Variants in ANKRD11 observed in about 807,000 individuals in gnomAD.
ANKRD11 encodes ankyrin repeat domain 11.
ANKRD11 carries 17 observed loss-of-function variants against 195.7 expected under a neutral mutation model. The ratio of observed to expected loss-of-function variants is 0.09; its 90% CI spans 0.06 to 0.13. ANKRD11 has a LOEUF of 0.13. ANKRD11 is among the 10% of genes least tolerant of loss of function. The pLI is 1.00. For missense variants in ANKRD11, 3,735 were observed against 3,566.1 expected (o/e 1.05, Z -1.21); for synonymous variants, 1,953 against 1,528.1 (o/e 1.28, Z -6.49).
chr16:89,304,087 T>C (rs557994524), intron 4 of ANKRD11, among the ~76,000 whole-genome samples: 1 of 152,186 alleles, frequency 6.6e-6, no homozygotes, highest in Non-Finnish European at 1.5e-5. Context: ...GTAGAGAAGC[T>C]GGATGACCAG....
Position 89,305,270 on chromosome 16 carries a change from T to C in ANKRD11, c.162A>G (p.Arg54=). The change falls in exon 4 of 13, where the codon CGA becomes CGG. Residue 54 remains arginine (R), a synonymous_variant. Transcript: ENST00000301030. ...TGAAGGGCAGCTTCCGCTTGCTGGC[T>C]CGCTCCCTCACCTCCTTCCCGCCAT... ...RGDGGKEVRE[R]ASKRKLPFTA... 6.2e-7 allele frequency: 1 copy of C among 1,613,948 alleles called. No individual in the cohort carries two copies. Among genetic ancestry groups the C allele is most frequent in the African/African-American group, 1.3e-5 (1 of 75,040 alleles).
chr16:89,446,582 T>C lies in ANKRD11; in HGVS notation c.-144-28214A>G, dbSNP rs563623107. Among the ~76,000 whole-genome samples the C allele has an allele frequency of 1.3e-4, 20 of 152,072 alleles. 1 individual carries two copies. The highest frequency in any genetic ancestry group is 4.6e-4 in the African/African-American group (19 of 41,468). ...TCATGCCACTGCACTCCAGCCTGGG[T>C]GACAGAGCGAGCCCCCGTCTCAAAC... On this transcript the variant is annotated intron_variant, in intron 1 of 12. Transcript: ENST00000301030.
chr16:89,358,438 T>C (rs1459047521), intron 2 of ANKRD11, among the ~76,000 whole-genome samples: 1 of 152,240 alleles, frequency 6.6e-6, no homozygotes, highest in African/African-American at 2.4e-5. Flanking sequence ...TGGTACTCAA[T>C]TTCCAGGTTG....
At chr16:89,343,150 G>A (rs2038771506) in intron 2 of ANKRD11, among the ~76,000 whole-genome samples, 1 of 152,146 alleles carries the variant, frequency 6.6e-6, no homozygotes, top group South Asian at 2.1e-4. Context: ...CACCACGCCT[G>A]GCTCATGTTT....
At chr16:89,431,067 C>CATCT (rs2042957830) in intron 1 of ANKRD11, among the ~76,000 whole-genome samples, 1 of 152,134 alleles carries the variant, frequency 6.6e-6, no homozygotes, top group Non-Finnish European at 1.5e-5. Context: ...CTAGGGTTAA[C>CATCT]ATCTGCTCCT....
chr16:89,360,521 G>A (rs537870424), intron 2 of ANKRD11: 4 of 152,312 alleles, frequency 2.6e-5, no homozygotes, highest in Admixed American at 6.5e-5. Flanking sequence ...ATGGATTATT[G>A]TTATGTGCAT....
chr16:89,393,290 C>G (rs1567742223), intron 2 of ANKRD11, among the ~76,000 whole-genome samples: 1 of 151,140 alleles, frequency 6.6e-6, no homozygotes, highest in African/African-American at 2.4e-5. Flanking sequence ...TTAGTTTCCT[C>G]TTTTTTTTAC....
At chr16:89,390,684 G>A (rs1001529764) in intron 2 of ANKRD11, among the ~76,000 whole-genome samples, 7 of 152,070 alleles carry the variant, frequency 4.6e-5, no homozygotes, top group African/African-American at 1.7e-4. Flanking sequence ...CAGGTTCTCG[G>A]GGAAACAGTG....
At chr16:89,310,870 C>G (rs182352401) in intron 3 of ANKRD11, among the ~76,000 whole-genome samples, 334 of 152,320 alleles carry the variant, frequency 2.2e-3, no homozygotes, top group African/African-American at 7.5e-3. Context: ...TGAATAAAGA[C>G]AGTGTTCCTC....
Position 89,281,258 on chromosome 16 carries a change from C to A in ANKRD11, c.5284G>T (p.Asp1762Tyr). The A allele has an allele frequency of 2.5e-6, 4 of 1,614,108 alleles. No homozygotes were observed. The highest frequency in any genetic ancestry group is 3.4e-6 in the Non-Finnish European group (4 of 1,180,024). Residue 1762 changes from aspartate (D) to tyrosine (Y), a missense_variant, in exon 9 of 13, where the codon GAC (aspartate) becomes TAC (tyrosine). Asp to Tyr is a radical substitution (Grantham distance 160). Transcript: ENST00000301030. This position sits in a 1 kb window ranked among gnomAD's most constrained non-coding sequence, Gnocchi z 5.5. ...CCACTTGAAGCCACGGAGAACCTGT[C>A]GAAAAAGGAGGGGGAGCAGGCGCTG... Reference protein sequence around the residue: ...PTSACSPSFFDRFSVASSGLS... With the variant: ...PTSACSPSFFYRFSVASSGLS...
intron 2 of ANKRD11, among the ~76,000 whole-genome samples, chr16:89,325,903 AG>A (rs1341828231): frequency 6.6e-6 from 1 of 152,162 alleles, no homozygotes; most frequent in Non-Finnish European, 1.5e-5. Context: ...GGGACCCTCA[AG>A]GGCATGAGCA....
chr16:89,382,179 C>T lies in ANKRD11; in HGVS notation c.-60+36105G>A, dbSNP rs1298429910. Among the ~76,000 whole-genome samples, 3 of 152,112 alleles carry T rather than the reference C, an allele frequency of 2.0e-5. No homozygotes were observed. The East Asian group carries it at 5.8e-4, about 29-fold the overall frequency. On this transcript the variant is annotated intron_variant, in intron 2 of 12. Transcript: ENST00000301030. Reference sequence around the variant, plus strand: ...TGCTCCCACCCATCTCCTCTTTCCCCTGGAGCCCTTGAACCCATCAAATGG... The same window carrying T: ...TGCTCCCACCCATCTCCTCTTTCCCTTGGAGCCCTTGAACCCATCAAATGG...
intron 3 of ANKRD11, among the ~76,000 whole-genome samples, chr16:89,314,247 C>CT (rs961699615): frequency 2.0e-5 from 3 of 151,720 alleles, no homozygotes; most frequent in African/African-American, 7.3e-5. Context: ...GAGTCAGACC[C>CT]TGTCTCAAAA....
At chr16:89,449,401 G>C (rs182140619) in intron 1 of ANKRD11, among the ~76,000 whole-genome samples, 15 of 152,096 alleles carry the variant, frequency 9.9e-5, no homozygotes, top group Admixed American at 6.5e-4. Context: ...AGAGAAGGCA[G>C]CTATCATGGG....
At chr16:89,461,558 C>T (rs2056670906) in intron 1 of ANKRD11, among the ~76,000 whole-genome samples, 1 of 152,102 alleles carries the variant, frequency 6.6e-6, no homozygotes, top group South Asian at 2.1e-4. Flanking sequence ...CCAGGCTGGT[C>T]TCAAACGCCT....
intron 2 of ANKRD11, chr16:89,323,916 G>T: frequency 4.7e-6 from 1 of 214,758 alleles, no homozygotes; most frequent in Non-Finnish European, 9.4e-6. Context: ...ACCACACATC[G>T]CGAGGTAGAA....
chr16:89,330,714 G>T (rs1285629220), intron 2 of ANKRD11, among the ~76,000 whole-genome samples: 2 of 127,564 alleles, frequency 1.6e-5, no homozygotes, highest in Non-Finnish European at 3.1e-5. Context: ...TGTATCGGAA[G>T]TCCCACGGCT....
intron 1 of ANKRD11, among the ~76,000 whole-genome samples, chr16:89,467,452 C>T (rs1239874017): frequency 1.3e-5 from 2 of 152,158 alleles, no homozygotes; most frequent in Non-Finnish European, 2.9e-5. Flanking sequence ...TAAAAAGAAA[C>T]CCTGGGCTCA....
intron 2 of ANKRD11, among the ~76,000 whole-genome samples, chr16:89,365,692 G>A (rs112739998): frequency 1.3e-5 from 2 of 152,264 alleles, no homozygotes; most frequent in African/African-American, 4.8e-5. Context: ...TGTGGAAGGT[G>A]GTCTCTCCGC....
Sources: allele counts gnomAD v4.1 joint callset (sites outside exome capture counted in the v4.1 genomes callset), GRCh38; gene constraint gnomAD v4.1.1; non-coding constraint Gnocchi (gnomAD v3.1); transcripts MANE v1.5; gene names NCBI Gene and HGNC (gene_info 2026-07-23, HGNC 2026-07-21).